Variants in DPYD observed in about 807,000 individuals in gnomAD.
The protein encoded by DPYD is dihydropyrimidine dehydrogenase.
A neutral mutation model predicts 116.2 loss-of-function variants in DPYD; 109 were observed. The ratio of observed to expected loss-of-function variants is 0.94; its 90% CI spans 0.80 to 1.10. The LOEUF is 1.10. Among genes scored for constraint, DPYD ranks in the 50% least tolerant of loss-of-function variants. The pLI, the probability that DPYD is intolerant of heterozygous loss-of-function variation, is 0.00. For missense variants in DPYD, 1,302 were observed against 1,254.5 expected (o/e 1.04, Z -0.57); for synonymous variants, 440 against 432.0 (o/e 1.02, Z -0.23).
intron 18 of DPYD, among the ~76,000 whole-genome samples, chr1:97,263,650 C>G (rs2100859490): frequency 6.6e-6 from 1 of 152,016 alleles, no homozygotes; most frequent in East Asian, 1.9e-4. Flanking sequence ...AAACCTATAC[C>G]CTCTATGGTG....
At chr1:97,801,521 G>T (rs565992676) in intron 3 of DPYD, among the ~76,000 whole-genome samples, 157 of 151,986 alleles carry the variant, frequency 1.0e-3, no homozygotes, top group African/African-American at 3.6e-3. Flanking sequence ...TTAGATAGTT[G>T]TAAGTTCTCA....
intron 13 of DPYD, among the ~76,000 whole-genome samples, chr1:97,497,937 T>G (rs1195075915): frequency 6.6e-6 from 1 of 151,792 alleles, no homozygotes; most frequent in Non-Finnish European, 1.5e-5. Context: ...TGAAGGGTTA[T>G]GAACTAATGA....
intron 6 of DPYD, among the ~76,000 whole-genome samples, chr1:97,694,631 G>A (rs140726110): frequency 2.0e-5 from 3 of 152,184 alleles, no homozygotes; most frequent in Admixed American, 2.0e-4. Context: ...CCCATTTTAT[G>A]AGTTGCTCAG....
At chr1:97,571,834 A>G (rs1652922687) in intron 11 of DPYD, among the ~76,000 whole-genome samples, 2 of 151,884 alleles carry the variant, frequency 1.3e-5, no homozygotes, top group South Asian at 4.1e-4. Flanking sequence ...ATTGAGTAAG[A>G]TCTTCTTGAT....
chr1:97,332,815 C>A (rs996712429), intron 16 of DPYD, among the ~76,000 whole-genome samples: 3 of 152,086 alleles, frequency 2.0e-5, no homozygotes, highest in Admixed American at 2.0e-4. Context: ...GAGTCATAGA[C>A]TAAACATTTG....
intron 8 of DPYD, among the ~76,000 whole-genome samples, chr1:97,636,128 C>T (rs1657544670): frequency 6.6e-6 from 1 of 151,940 alleles, no homozygotes; most frequent in Middle Eastern, 3.2e-3. Context: ...GCCATAGTCC[C>T]TCATAATTTC....
intron 1 of DPYD, among the ~76,000 whole-genome samples, chr1:97,907,638 C>A (rs970441654): frequency 6.6e-6 from 1 of 152,006 alleles, no homozygotes; most frequent in Non-Finnish European, 1.5e-5. Context: ...TGTTAGTTAT[C>A]CCCAGTCTCA....
intron 3 of DPYD, among the ~76,000 whole-genome samples, chr1:97,777,839 G>T (rs1398565986): frequency 1.3e-5 from 2 of 151,892 alleles, no homozygotes; most frequent in Non-Finnish European, 2.9e-5. Context: ...CAACCCTCAA[G>T]TTTTTCTCTT....
At chr1:97,464,317 T>C (rs572090962) in intron 13 of DPYD, among the ~76,000 whole-genome samples, 39 of 151,072 alleles carry the variant, frequency 2.6e-4, no homozygotes, top group Admixed American at 5.9e-4. Flanking sequence ...GGCAATGAGA[T>C]AAAAAAGAAA....
At chr1:97,748,463 G>C (rs1050090324) in intron 3 of DPYD, among the ~76,000 whole-genome samples, 7 of 152,048 alleles carry the variant, frequency 4.6e-5, no homozygotes, top group African/African-American at 1.7e-4. Context: ...AAAAAAATTA[G>C]CCAGGCGTGG....
rs992060862 is a variant in DPYD at position 97,331,452 on chromosome 1, C to T, written c.2059-25155G>A. ...CTATGGCTGTGCGACTGTACTACAT[C>T]CTGGATGACAGAGCAAGACCCTGTC... On this transcript the variant is annotated intron_variant, in intron 16 of 22. Transcript: ENST00000370192. Among the ~76,000 whole-genome samples, 11 of 152,216 alleles carry T rather than the reference C, an allele frequency of 7.2e-5. No individual in the cohort carries two copies. In the East Asian group the frequency reaches 9.7e-4, roughly 13 times the overall value.
At chr1:97,213,742 T>C (rs913331508) in intron 19 of DPYD, among the ~76,000 whole-genome samples, 2 of 152,166 alleles carry the variant, frequency 1.3e-5, no homozygotes, top group African/African-American at 4.8e-5. Context: ...GTCAATTGTT[T>C]GACCATAAGG....
chr1:97,546,762 T>A, intron 12 of DPYD: 2 of 1,613,198 alleles, frequency 1.2e-6, no homozygotes, highest in Non-Finnish European at 1.7e-6. Flanking sequence ...ATTATCAGTA[T>A]ACTGTGTTTC....
chr1:97,815,706 G>A (rs1309387736), intron 3 of DPYD, among the ~76,000 whole-genome samples: 2 of 152,306 alleles, frequency 1.3e-5, no homozygotes, highest in East Asian at 3.9e-4. Context: ...GCAAAATGGA[G>A]TGGCACCTGG....
intron 16 of DPYD, among the ~76,000 whole-genome samples, chr1:97,315,391 GCTCC>G (rs200118850): frequency 0.11 from 17,225 of 151,918 alleles, 1,371 homozygotes; most frequent in African/African-American, 0.22. Flanking sequence ...TTGTCCTGAA[GCTCC>G]CTACTGGGCT....
intron 13 of DPYD, among the ~76,000 whole-genome samples, chr1:97,512,799 A>G (rs1041441769): frequency 6.6e-6 from 1 of 151,940 alleles, no homozygotes; most frequent in African/African-American, 2.4e-5. Flanking sequence ...ATTTGTATAG[A>G]AAAATGATTT....
chr1:97,296,656 T>C (rs1666549037), intron 18 of DPYD, among the ~76,000 whole-genome samples: 1 of 152,100 alleles, frequency 6.6e-6, no homozygotes, highest in African/African-American at 2.4e-5. Context: ...ATTTAAAGAC[T>C]GAATCTAGGA....
chr1:97,551,835 T>C lies in DPYD; in HGVS notation c.1340-2091A>G, dbSNP rs72730002. On this transcript the variant is annotated intron_variant, in intron 11 of 22. Transcript: ENST00000370192. ...ATTTGGGAAAAAAATAGAATGTTTA[T>C]GTCTGTACTGAACGTGTACATACTT... is the stretch of plus-strand genomic sequence containing the variant. Among the ~76,000 whole-genome samples the C allele has an allele frequency of 4.9e-3, 744 of 152,304 alleles. 9 individuals are homozygous for C. Among genetic ancestry groups the C allele is most frequent in the African/African-American group, 0.017 (700 of 41,578 alleles).
intron 14 of DPYD, among the ~76,000 whole-genome samples, chr1:97,414,956 ACT>A (rs1011709419): frequency 6.6e-6 from 1 of 152,100 alleles, no homozygotes; most frequent in Admixed American, 6.6e-5. Context: ...TTTTTAAAAA[ACT>A]CATTAACTTA....
Sources: gnomAD v4.1 joint callset for allele counts (sites outside exome capture counted in the v4.1 genomes callset) on GRCh38, gnomAD v4.1.1 for gene constraint, MANE v1.5 for transcripts, NCBI Gene and HGNC (gene_info 2026-07-23, HGNC 2026-07-21) for gene names.